CTIF: variants seen among roughly 807,000 people sequenced by gnomAD.
CTIF encodes cap binding complex dependent translation initiation factor, also known as CBP80/20-dependent translation initiation factor.
In CTIF, 21 loss-of-function variants were observed where a neutral mutation model predicts 66.0. The ratio of observed to expected loss-of-function variants is 0.32; its 90% CI spans 0.23 to 0.46. CTIF has a LOEUF of 0.46. CTIF is among the 20% of genes least tolerant of loss of function. The pLI is 1.00. For missense variants in CTIF, 739 were observed against 812.7 expected (o/e 0.91, Z 1.10); for synonymous variants, 345 against 326.4 (o/e 1.06, Z -0.62).
chr18:48,624,171 G>C (rs963144185), intron 2 of CTIF, among the ~76,000 whole-genome samples: 1 of 69,696 alleles, frequency 1.4e-5, no homozygotes, highest in Non-Finnish European at 2.8e-5. Flanking sequence ...CCCCTCCCCC[G>C]TATTTTACAT....
chr18:48,797,522 A>C (rs2067953368), intron 9 of CTIF, among the ~76,000 whole-genome samples: 1 of 149,130 alleles, frequency 6.7e-6, no homozygotes, highest in South Asian at 2.1e-4. Flanking sequence ...CTGAGTTCTG[A>C]TCCCTTGAAC....
chr18:48,847,233 G>A (rs550273773), intron 10 of CTIF, among the ~76,000 whole-genome samples: 39 of 151,252 alleles, frequency 2.6e-4, no homozygotes, highest in African/African-American at 8.8e-4. Context: ...GCTTGAACCC[G>A]GGAAGCAGAG....
chr18:48,762,190 T>G (rs1046008320), intron 9 of CTIF, among the ~76,000 whole-genome samples: 2 of 152,200 alleles, frequency 1.3e-5, no homozygotes, highest in African/African-American at 2.4e-5. Flanking sequence ...ACACTATGGC[T>G]CCTGGGCAGA....
At chr18:48,647,691 A>G (rs2091071323) in intron 3 of CTIF, among the ~76,000 whole-genome samples, 1 of 152,274 alleles carries the variant, frequency 6.6e-6, no homozygotes, top group African/African-American at 2.4e-5. Flanking sequence ...GAGATTCCAC[A>G]TAGAAACAGG....
At chr18:48,729,672 G>A (rs1436154988) in intron 7 of CTIF, among the ~76,000 whole-genome samples, 1 of 152,238 alleles carries the variant, frequency 6.6e-6, no homozygotes, top group African/African-American at 2.4e-5. Flanking sequence ...TGTTGGTCCT[G>A]TGGTGGAAAA....
At chr18:48,852,669 C>G (rs1249860280) in intron 10 of CTIF, among the ~76,000 whole-genome samples, 2 of 152,236 alleles carry the variant, frequency 1.3e-5, no homozygotes, top group Admixed American at 1.3e-4. Context: ...CATACTGTAA[C>G]TACTTAACCA....
intron 7 of CTIF, among the ~76,000 whole-genome samples, chr18:48,718,057 A>T (rs951990266): frequency 6.6e-6 from 1 of 152,166 alleles, no homozygotes; most frequent in African/African-American, 2.4e-5. Flanking sequence ...TTCAACCTTG[A>T]TATTTTCAGG....
intron 1 of CTIF, among the ~76,000 whole-genome samples, chr18:48,594,001 T>C (rs1313188898): frequency 6.6e-6 from 1 of 152,168 alleles, no homozygotes; most frequent in African/African-American, 2.4e-5. Context: ...CCAGATGACA[T>C]GGACCAAAGA....
At chr18:48,772,730 A>G (rs1023175704) in intron 9 of CTIF, among the ~76,000 whole-genome samples, 4 of 152,130 alleles carry the variant, frequency 2.6e-5, no homozygotes, top group Admixed American at 1.3e-4. Flanking sequence ...TTATCCATTT[A>G]TCTGTCAATG....
intron 9 of CTIF, among the ~76,000 whole-genome samples, chr18:48,790,578 A>C (rs538017855): frequency 3.2e-4 from 49 of 152,102 alleles, no homozygotes; most frequent in Non-Finnish European, 6.3e-4. Context: ...ACATTTCCTG[A>C]AAGACTAAGA....
intron 3 of CTIF, chr18:48,662,723 T>C (rs879825259): frequency 2.0e-5 from 3 of 152,086 alleles, no homozygotes; most frequent in African/African-American, 4.8e-5. Context: ...TCTTTCACTA[T>C]ACATTCGTTA....
At position 48,746,284 on chromosome 18, in the gene CTIF, C is replaced by T. The variant is rs144918925; in HGVS notation, c.585-11635C>T. Among the ~76,000 whole-genome samples the T allele has an allele frequency of 5.1e-3, 772 of 152,078 alleles. 8 individuals are homozygous for T. Among genetic ancestry groups the T allele is most frequent in the Admixed American group, 0.012 (185 of 15,292 alleles). On this transcript the variant is annotated intron_variant, in intron 7 of 11. Transcript: ENST00000256413. ...CAGCCCCCAGGCACACCCATGACAC[C>T]TGCCTGCTCTCAGAGGTGCCCCAGG...
chr18:48,675,063 T>C (rs879570918), intron 6 of CTIF, among the ~76,000 whole-genome samples: 1 of 13,298 alleles, frequency 7.5e-5, no homozygotes, highest in Non-Finnish European at 1.5e-4. Flanking sequence ...GGGGGTGGAG[T>C]GGGTGGGAGA....
At chr18:48,738,665 C>G (rs2092526453) in intron 7 of CTIF, among the ~76,000 whole-genome samples, 1 of 152,220 alleles carries the variant, frequency 6.6e-6, no homozygotes, top group African/African-American at 2.4e-5. Context: ...AAGGCAGTCT[C>G]CACCAGGGGT....
intron 3 of CTIF, among the ~76,000 whole-genome samples, chr18:48,655,401 C>T (rs1295311376): frequency 6.6e-6 from 1 of 152,028 alleles, no homozygotes; most frequent in Non-Finnish European, 1.5e-5. Context: ...CCTGTTTTCT[C>T]CACTCTCAGC....
chr18:48,653,205 G>C (rs1322955092), intron 3 of CTIF, among the ~76,000 whole-genome samples: 2 of 152,212 alleles, frequency 1.3e-5, no homozygotes, highest in Non-Finnish European at 2.9e-5. Flanking sequence ...GTTTGCAGAT[G>C]ACATGATTGT....
intron 7 of CTIF, among the ~76,000 whole-genome samples, chr18:48,713,349 A>G (rs1004242528): frequency 2.0e-5 from 3 of 152,062 alleles, no homozygotes; most frequent in East Asian, 1.9e-4. Context: ...CGCCCAGGCA[A>G]TGGCAGGCTG....
intron 7 of CTIF, among the ~76,000 whole-genome samples, chr18:48,724,231 C>T (rs2092366197): frequency 6.6e-6 from 1 of 152,190 alleles, no homozygotes; most frequent in Admixed American, 6.5e-5. Flanking sequence ...GACACAGACT[C>T]ACCAACAACT....
chr18:48,721,720 G>A (rs180684470), intron 7 of CTIF, among the ~76,000 whole-genome samples: 2 of 152,052 alleles, frequency 1.3e-5, no homozygotes, highest in Admixed American at 6.5e-5. Context: ...CCCTGTGTGC[G>A]GCTCTGAGTC....
Sources: gnomAD v4.1 joint callset for allele counts (sites outside exome capture counted in the v4.1 genomes callset) on GRCh38, gnomAD v4.1.1 for gene constraint, MANE v1.5 for transcripts, NCBI Gene and HGNC (gene_info 2026-07-23, HGNC 2026-07-21) for gene names.